Variants in FSTL4 observed in about 807,000 individuals in gnomAD.
FSTL4 encodes the protein follistatin-related protein 4.
FSTL4 carries 28 observed loss-of-function variants against 78.2 expected under a neutral mutation model. The ratio of observed to expected loss-of-function variants is 0.36; its 90% CI spans 0.27 to 0.49. The LOEUF (loss-of-function observed/expected upper bound fraction) is 0.49. FSTL4 is among the 20% of genes least tolerant of loss of function. The pLI, the probability that FSTL4 is intolerant of heterozygous loss-of-function variation, is 0.98. For missense variants in FSTL4, 922 were observed against 1,084.9 expected (o/e 0.85, Z 2.11); for synonymous variants, 422 against 440.5 (o/e 0.96, Z 0.53).
At chr5:133,221,910 T>TTTTTG (rs1751135721) in intron 11 of FSTL4, among the ~76,000 whole-genome samples, 2 of 115,262 alleles carry the variant, frequency 1.7e-5, no homozygotes, top group African/African-American at 8.7e-5. Flanking sequence ...TTTTTTTTTT[T>TTTTTG]TTTTTTTTTT....
chr5:133,292,821 T>C (rs1329184093), intron 6 of FSTL4, among the ~76,000 whole-genome samples: 1 of 152,002 alleles, frequency 6.6e-6, no homozygotes, highest in Non-Finnish European at 1.5e-5. Context: ...AAAGGGACAT[T>C]GTCATCTTTA....
At chr5:133,615,468 C>A (rs991577916), upstream of FSTL4, among the ~76,000 whole-genome samples, 1 of 152,162 alleles carries the variant, frequency 6.6e-6, no homozygotes, top group Non-Finnish European at 1.5e-5. Flanking sequence ...ACACCTTTCC[C>A]AGAACTTGTT....
the FSTL4 span, among the ~76,000 whole-genome samples, chr5:133,639,513 A>G: frequency 2.6e-5 from 4 of 152,318 alleles, no homozygotes; most frequent in South Asian, 8.3e-4. Context: ...TTCCCTGAGA[A>G]GGGCCCTTGC....
At chr5:133,511,172 T>C (rs1758724147) in intron 3 of FSTL4, among the ~76,000 whole-genome samples, 1 of 152,156 alleles carries the variant, frequency 6.6e-6, no homozygotes, top group Non-Finnish European at 1.5e-5. Context: ...TCTGGGTCCC[T>C]CAACCTAAGC....
chr5:133,815,207 G>A, the FSTL4 span, among the ~76,000 whole-genome samples: 1 of 152,250 alleles, frequency 6.6e-6, no homozygotes, highest in African/African-American at 2.4e-5. Context: ...GCAAAAGAGT[G>A]AGCTCCTGTA....
chr5:133,712,450 G>T, the FSTL4 span, among the ~76,000 whole-genome samples: 1 of 152,312 alleles, frequency 6.6e-6, no homozygotes, highest in Admixed American at 6.5e-5. Context: ...TCAGAGCTGG[G>T]TTGACTGGGT....
At chr5:133,447,538 T>C (rs976939452) in intron 3 of FSTL4, among the ~76,000 whole-genome samples, 10 of 152,152 alleles carry the variant, frequency 6.6e-5, no homozygotes, top group Non-Finnish European at 4.4e-5. Context: ...TTATAATTTC[T>C]TTTTCTTCTC....
chr5:133,422,001 T>C (rs1157732325), intron 3 of FSTL4, among the ~76,000 whole-genome samples: 1 of 152,052 alleles, frequency 6.6e-6, no homozygotes, highest in Non-Finnish European at 1.5e-5. Flanking sequence ...AGGGAGGGCT[T>C]CTTGGAGGAG....
chr5:133,567,056 C>T (rs1760041113), intron 3 of FSTL4, 130 bp downstream of exon 3: 1 of 729,314 alleles, frequency 1.4e-6, no homozygotes. Context: ...AAGCAGTCAG[C>T]ACCCAGAAAA....
In FSTL4 at chr5:133,414,392, T is replaced by C. The variant is rs1438641373; in HGVS notation, c.161-13406A>G. On this transcript the variant is annotated intron_variant, in intron 3 of 15. Coordinates refer to ENST00000265342, the MANE Select transcript of FSTL4 (RefSeq NM_015082.2). Reference sequence around the variant, plus strand: ...CTTGAGGGGCCCAGGTGTATATATATAGGGGACTGGGAGTGGGAACCTTCC... The same window carrying C: ...CTTGAGGGGCCCAGGTGTATATATACAGGGGACTGGGAGTGGGAACCTTCC... 2.6e-5 allele frequency among the ~76,000 whole-genome samples: 4 copies of C among 152,098 alleles called. No individual in the cohort carries two copies. The East Asian group carries it at 5.8e-4, about 22-fold the overall frequency.
At chr5:133,369,226 T>C (rs1168200303) in intron 4 of FSTL4, among the ~76,000 whole-genome samples, 1 of 152,260 alleles carries the variant, frequency 6.6e-6, no homozygotes, top group Non-Finnish European at 1.5e-5. Context: ...CCATCTGGCA[T>C]TTGAGGCTTG....
rs115238694 is a variant in FSTL4, at chr5:133,245,420, G to T, written c.894+3990C>A. The stretch of plus-strand genomic sequence containing the variant: ...TGTCACTCCCCCATCAAACATCTGC[G>T]CTTCCCCACTGCCCACAGGGCAATT... On this transcript the variant is annotated intron_variant, in intron 7 of 15. Coordinates refer to ENST00000265342, the MANE Select transcript of FSTL4 (RefSeq NM_015082.2). 1.3e-4 allele frequency among the ~76,000 whole-genome samples: 20 copies of T among 152,324 alleles called. No homozygotes were observed. In the East Asian group the frequency reaches 3.1e-3, roughly 23 times the overall value.
intron 3 of FSTL4, among the ~76,000 whole-genome samples, chr5:133,517,608 TTGTGTGTGTG>T (rs34680612): frequency 1.4e-5 from 2 of 139,442 alleles, no homozygotes; most frequent in Non-Finnish European, 3.1e-5. Flanking sequence ...ATAGAACTAA[TTGTGTGTGTG>T]TGTGTGTGTG....
At chr5:133,613,931 C>T (rs1193761838), upstream of FSTL4, among the ~76,000 whole-genome samples, 1 of 152,228 alleles carries the variant, frequency 6.6e-6, no homozygotes, top group Non-Finnish European at 1.5e-5. Flanking sequence ...GCCACCATGA[C>T]TGAACTTCTG....
chr5:133,786,090 AC>A, the FSTL4 span, among the ~76,000 whole-genome samples: 1 of 152,106 alleles, frequency 6.6e-6, no homozygotes. Context: ...CTGGGCCCTT[AC>A]CTGACCCCTG....
At chr5:133,467,796 T>A (rs1370557496) in intron 3 of FSTL4, among the ~76,000 whole-genome samples, 1 of 152,216 alleles carries the variant, frequency 6.6e-6, no homozygotes, top group East Asian at 1.9e-4. Flanking sequence ...TGGTGACTGC[T>A]TTCTGGCTGT....
intron 3 of FSTL4, among the ~76,000 whole-genome samples, chr5:133,526,553 T>A (rs561769352): frequency 6.6e-6 from 1 of 152,292 alleles, no homozygotes; most frequent in Admixed American, 6.5e-5. Flanking sequence ...TGAGGGTTCC[T>A]AATGACCCCT....
the FSTL4 span, among the ~76,000 whole-genome samples, chr5:133,796,111 C>T: frequency 1.3e-5 from 2 of 152,212 alleles, no homozygotes; most frequent in East Asian, 3.8e-4. Flanking sequence ...CAGATAAGGA[C>T]ATAAGTCTTA....
At chr5:133,836,633 G>C in the FSTL4 span, among the ~76,000 whole-genome samples, 10 of 151,030 alleles carry the variant, frequency 6.6e-5, no homozygotes, top group African/African-American at 2.4e-4. Context: ...TCTGTCTTCA[G>C]ATGTTCCTTT....
Sources: gnomAD v4.1 joint callset for allele counts (sites outside exome capture counted in the v4.1 genomes callset) on GRCh38, gnomAD v4.1.1 for gene constraint, MANE v1.5 for transcripts, NCBI Gene and HGNC (gene_info 2026-07-23, HGNC 2026-07-21) for gene names.